AMPH: variants seen among roughly 807,000 people sequenced by gnomAD.
AMPH encodes amphiphysin (Stiff-Mann syndrome with breast cancer 128kD autoantigen).
In AMPH, 49 loss-of-function variants were observed where a neutral mutation model predicts 99.1. The ratio of observed to expected loss-of-function variants is 0.49; its 90% confidence interval spans 0.39 to 0.63. The LOEUF (loss-of-function observed/expected upper bound fraction) is 0.63. Among genes scored for constraint, AMPH ranks in the 20% least tolerant of loss-of-function variants. The pLI is 0.00. For missense variants in AMPH, 759 were observed against 863.4 expected, an observed-to-expected ratio of 0.88 and a Z score of 1.52; for synonymous variants, 314 against 317.3, an observed-to-expected ratio of 0.99 and a Z score of 0.11.
chr7:38,483,381 C>A (rs778845547), intron 5 of AMPH, among the ~76,000 whole-genome samples: 3 of 152,110 alleles, frequency 2.0e-5, no homozygotes, highest in Non-Finnish European at 4.4e-5. Flanking sequence ...GTTGCCACAG[C>A]CCCTCCCCTC....
At chr7:38,596,377 A>G (rs915200090) in intron 1 of AMPH, among the ~76,000 whole-genome samples, 2 of 152,138 alleles carry the variant, frequency 1.3e-5, no homozygotes, top group African/African-American at 4.8e-5. Flanking sequence ...GGCTCTTCAG[A>G]CAGAAATCAG....
At chr7:38,419,733 C>G (rs1237811133) in intron 16 of AMPH, among the ~76,000 whole-genome samples, 1 of 152,062 alleles carries the variant, frequency 6.6e-6, no homozygotes, top group Admixed American at 6.6e-5. Context: ...TGAGAAAACA[C>G]CAAGAAATCC....
At chr7:38,581,973 G>T (rs149027679) in intron 1 of AMPH, among the ~76,000 whole-genome samples, 165 of 152,246 alleles carry the variant, frequency 1.1e-3, no homozygotes, top group African/African-American at 3.9e-3. Flanking sequence ...AAGAAGAGAT[G>T]TCAAGTAGGC....
At chr7:38,462,759 C>CA (rs903913375) in intron 10 of AMPH, among the ~76,000 whole-genome samples, 5 of 152,084 alleles carry the variant, frequency 3.3e-5, no homozygotes, top group Non-Finnish European at 7.4e-5. Context: ...TAAGAAGTCC[C>CA]AAAAAACTTG....
At chr7:38,608,007 AT>A (rs1484333888) in intron 1 of AMPH, among the ~76,000 whole-genome samples, 1 of 151,578 alleles carries the variant, frequency 6.6e-6, no homozygotes, top group Admixed American at 6.6e-5. Context: ...ATTTTTTTCC[AT>A]TTCAATTTTT....
intron 2 of AMPH, among the ~76,000 whole-genome samples, chr7:38,525,277 T>TATAGAGAGAGAG (rs1481528083): frequency 7.2e-4 from 62 of 86,650 alleles, no homozygotes; most frequent in African/African-American, 1.0e-3. Flanking sequence ...TATATATATA[T>TATAGAGAGAGAG]AGAGAGAGAG....
intron 17 of AMPH, among the ~76,000 whole-genome samples, chr7:38,403,720 G>T (rs1784905833): frequency 6.6e-6 from 1 of 152,212 alleles, no homozygotes. Flanking sequence ...GGAAATGCAG[G>T]CATGGTGCTG....
chr7:38,402,450 C>T (rs1050293232), intron 17 of AMPH, among the ~76,000 whole-genome samples: 1 of 152,188 alleles, frequency 6.6e-6, no homozygotes, highest in Admixed American at 6.5e-5. Flanking sequence ...GGAGAAATCT[C>T]TATAGGCTTG....
chr7:38,399,666 C>A (rs1031905283), intron 17 of AMPH, among the ~76,000 whole-genome samples: 2 of 152,258 alleles, frequency 1.3e-5, no homozygotes, highest in Admixed American at 1.3e-4. Flanking sequence ...CTAGGAAAAA[C>A]CACAATGATA....
chr7:38,623,836 C>T (rs1175688223), intron 1 of AMPH, among the ~76,000 whole-genome samples: 1 of 152,176 alleles, frequency 6.6e-6, no homozygotes, highest in African/African-American at 2.4e-5. Context: ...GTCACACAAC[C>T]AGACAGATGG....
rs151030137 is a variant in AMPH at position 38,436,820 on chromosome 7, G to A, written c.1018-432C>T. 8.5e-4 allele frequency among the ~76,000 whole-genome samples: 129 copies of A among 152,306 alleles called. 2 individuals carry two copies. The highest frequency in any genetic ancestry group is 3.4e-3 in the Middle Eastern group (1 of 294). On this transcript the variant is annotated intron_variant, in intron 11 of 20. Transcript: ENST00000356264. ...AGCAATACTGCTGATGTTCTTCTGG[G>A]AAGCTAAAATTTTAAAAGGAAGGTG...
chr7:38,456,892 G>A (rs1289155288), intron 11 of AMPH, among the ~76,000 whole-genome samples: 9 of 152,166 alleles, frequency 5.9e-5, no homozygotes, highest in Admixed American at 5.9e-4. Context: ...CCCAAAGACT[G>A]GTCAACCTGG....
chr7:38,551,180 A>C (rs752527093), intron 1 of AMPH, among the ~76,000 whole-genome samples: 2 of 152,192 alleles, frequency 1.3e-5, no homozygotes, highest in Non-Finnish European at 2.9e-5. Flanking sequence ...AACATCAGGC[A>C]AATCTATGTC....
chr7:38,488,325 C>T (rs1448159862), intron 5 of AMPH, among the ~76,000 whole-genome samples: 1 of 152,064 alleles, frequency 6.6e-6, no homozygotes, highest in Admixed American at 6.6e-5. Context: ...ACATATACAC[C>T]ATGGAATACT....
intron 15 of AMPH, 113 bp from the exon 16 acceptor site, chr7:38,422,590 CTAT>C: frequency 1.3e-6 from 1 of 774,036 alleles, no homozygotes; most frequent in Non-Finnish European, 2.1e-6. Context: ...ATCTATCTAT[CTAT>C]CTATCTATCC....
At chr7:38,518,718 A>G (rs1789842875) in intron 2 of AMPH, among the ~76,000 whole-genome samples, 1 of 152,214 alleles carries the variant, frequency 6.6e-6, no homozygotes, top group Non-Finnish European at 1.5e-5. Context: ...TCATGCATTC[A>G]GTCTCATCCA....
intron 2 of AMPH, among the ~76,000 whole-genome samples, chr7:38,519,025 T>C (rs1180726516): frequency 6.6e-6 from 1 of 152,242 alleles, no homozygotes; most frequent in Non-Finnish European, 1.5e-5. Flanking sequence ...CTAGTTATCA[T>C]GGGAGTGGGC....
At chr7:38,504,934 C>T (rs543779832) in intron 2 of AMPH, among the ~76,000 whole-genome samples, 1 of 152,294 alleles carries the variant, frequency 6.6e-6, no homozygotes, top group South Asian at 2.1e-4. Context: ...CAGGACTCCA[C>T]CTTGAGCTCA....
chr7:38,432,094 G>A, intron 13 of AMPH, 95 bp downstream of exon 13: 1 of 1,082,666 alleles, frequency 9.2e-7, no homozygotes. Flanking sequence ...AAATGTATGT[G>A]TCTTCTTTCT....
Sources: allele counts gnomAD v4.1 joint callset (sites outside exome capture counted in the v4.1 genomes callset), GRCh38; gene constraint gnomAD v4.1.1; transcripts MANE v1.5; gene names NCBI Gene and HGNC (gene_info 2026-07-23, HGNC 2026-07-21).